Variants in MTUS2 observed in about 807,000 individuals in gnomAD.
MTUS2 encodes the protein microtubule associated scaffold protein 2.
Under a neutral mutation model 114.1 loss-of-function variants are expected in MTUS2, and 40 were observed. The observed-to-expected ratio is 0.35, with a 90% CI of 0.27 to 0.46. MTUS2 has a LOEUF of 0.46. Ranked by LOEUF, MTUS2 falls within the 20% of genes least tolerant of loss-of-function variation. The pLI, the probability that MTUS2 is intolerant of heterozygous loss-of-function variation, is 1.00. For synonymous variants in MTUS2, 688 were observed against 672.0 expected, an observed-to-expected ratio of 1.02 and a Z score of -0.37; for missense variants, 1,679 against 1,705.4, an observed-to-expected ratio of 0.98 and a Z score of 0.27.
At chr13:29,205,294 G>A (rs1195286860) in intron 5 of MTUS2, among the ~76,000 whole-genome samples, 1 of 152,160 alleles carries the variant, frequency 6.6e-6, no homozygotes, top group Non-Finnish European at 1.5e-5. Context: ...TTTTGTTTTA[G>A]CACAGGCAAT....
chr13:29,335,714 G>A (rs1457271473), intron 7 of MTUS2, among the ~76,000 whole-genome samples: 7 of 152,132 alleles, frequency 4.6e-5, no homozygotes, highest in Admixed American at 1.3e-4. Flanking sequence ...ATTATCGGGG[G>A]CGGGTTCCCC....
intron 7 of MTUS2, among the ~76,000 whole-genome samples, chr13:29,338,767 A>G (rs1399802132): frequency 2.0e-5 from 3 of 152,198 alleles, no homozygotes; most frequent in East Asian, 3.9e-4. Context: ...TAAAGACACT[A>G]TTATTTAAAA....
chr13:29,075,935 T>G (rs1024752789), intron 4 of MTUS2, among the ~76,000 whole-genome samples: 2 of 152,216 alleles, frequency 1.3e-5, no homozygotes, highest in African/African-American at 4.8e-5. Context: ...TAGCTTATCC[T>G]TCTACTCTTA....
intron 1 of MTUS2, among the ~76,000 whole-genome samples, chr13:28,824,236 A>G (rs1339426066): frequency 6.6e-6 from 1 of 152,198 alleles, no homozygotes; most frequent in Non-Finnish European, 1.5e-5. Flanking sequence ...ATCGTTTATT[A>G]AAAACTTACA....
At chr13:28,940,400 TATACA>T (rs1395355627) in intron 2 of MTUS2, among the ~76,000 whole-genome samples, 5 of 152,330 alleles carry the variant, frequency 3.3e-5, no homozygotes, top group Middle Eastern at 3.4e-3. Flanking sequence ...TTATATGGAA[TATACA>T]AAATAGGTAA....
At chr13:29,413,028 C>A (rs572940991) in intron 8 of MTUS2, among the ~76,000 whole-genome samples, 2 of 152,260 alleles carry the variant, frequency 1.3e-5, no homozygotes, top group Admixed American at 1.3e-4. Flanking sequence ...TCTTTCCTTC[C>A]CTCTTCCATA....
chr13:29,089,356 C>T (rs1323846218), intron 4 of MTUS2, among the ~76,000 whole-genome samples: 1 of 152,136 alleles, frequency 6.6e-6, no homozygotes, highest in African/African-American at 2.4e-5. Flanking sequence ...TTGTATGTGA[C>T]CTGCCCCTTA....
At chr13:29,186,137 C>A (rs938678824) in intron 5 of MTUS2, among the ~76,000 whole-genome samples, 2 of 152,184 alleles carry the variant, frequency 1.3e-5, no homozygotes, top group Non-Finnish European at 2.9e-5. Context: ...TTGCCCAAGC[C>A]AGGGAGATAA....
chr13:29,211,675 C>G (rs574223920), intron 5 of MTUS2, among the ~76,000 whole-genome samples: 297 of 152,222 alleles, frequency 2.0e-3, no homozygotes, highest in Non-Finnish European at 4.7e-4. Flanking sequence ...CTAAATTTGT[C>G]TTAGCTCCCT....
intron 2 of MTUS2, among the ~76,000 whole-genome samples, chr13:28,878,292 T>TACAC: frequency 6.6e-6 from 1 of 151,382 alleles, no homozygotes; most frequent in Middle Eastern, 3.5e-3. Context: ...TGTATGTGTG[T>TACAC]ACACACACAC....
chr13:29,139,252 T>A (rs994187370), intron 5 of MTUS2, among the ~76,000 whole-genome samples: 4 of 152,230 alleles, frequency 2.6e-5, no homozygotes, highest in African/African-American at 4.8e-5. Flanking sequence ...CTCAAGCTGA[T>A]GATTACATAT....
chr13:29,443,470 C>G (rs1455213465), intron 9 of MTUS2, among the ~76,000 whole-genome samples: 1 of 152,204 alleles, frequency 6.6e-6, no homozygotes, highest in Non-Finnish European at 1.5e-5. Flanking sequence ...TGATTTCTGC[C>G]TAAGTGCCAA....
intron 5 of MTUS2, among the ~76,000 whole-genome samples, chr13:29,263,295 AT>A (rs1811522734): frequency 6.6e-6 from 1 of 152,122 alleles, no homozygotes; most frequent in African/African-American, 2.4e-5. Flanking sequence ...CTTCCTCTTG[AT>A]CAGGGCATTA....
At chr13:28,894,343 AGAGAGAGTGAGAGT>A (rs1566203805) in intron 2 of MTUS2, among the ~76,000 whole-genome samples, 139 of 93,626 alleles carry the variant, frequency 1.5e-3, no homozygotes, top group African/African-American at 6.5e-3. Context: ...AGAGAGAGAG[AGAGAGAGTGAGAGT>A]GAGAGAGAGA....
At chr13:29,225,203 T>C (rs921945725) in intron 5 of MTUS2, among the ~76,000 whole-genome samples, 1 of 152,248 alleles carries the variant, frequency 6.6e-6, no homozygotes, top group Non-Finnish European at 1.5e-5. Flanking sequence ...AGCCCTTCCC[T>C]GTCTTTGTGT....
intron 2 of MTUS2, among the ~76,000 whole-genome samples, chr13:28,958,344 G>A (rs1023176149): frequency 2.6e-5 from 4 of 152,162 alleles, no homozygotes; most frequent in Non-Finnish European, 4.4e-5. Context: ...CTTTATTAAC[G>A]TAAAATGAAT....
chr13:28,861,152 A>G (rs572906720), intron 2 of MTUS2, among the ~76,000 whole-genome samples: 1 of 152,322 alleles, frequency 6.6e-6, no homozygotes, highest in African/African-American at 2.4e-5. Context: ...TAGAGAAATT[A>G]GCCCTCTGGA....
At chr13:29,168,412 A>G (rs890985760) in intron 5 of MTUS2, among the ~76,000 whole-genome samples, 1 of 152,218 alleles carries the variant, frequency 6.6e-6, no homozygotes, top group African/African-American at 2.4e-5. Context: ...TTTGGATTTT[A>G]CAACCTAGCA....
At position 29,120,651 on chromosome 13, in the gene MTUS2, C is replaced by A. The variant is rs554213670; in HGVS notation, c.2644+19681C>A. On this transcript the variant is annotated intron_variant, in intron 5 of 15. Coordinates refer to ENST00000612955, the MANE Select transcript of MTUS2 (RefSeq NM_001033602.4). ...AAGAATAAAAAGAAAGGGACTAATT[C>A]ACCTGTAGTTACCAGGGACCAGAGA... is the stretch of plus-strand genomic sequence containing the variant. Among the ~76,000 whole-genome samples, 107 of 152,260 alleles carry A rather than the reference C, an allele frequency of 7.0e-4. 1 individual carries two copies. In the South Asian group the frequency reaches 0.022, roughly 31 times the overall value.
Sources: gnomAD v4.1 joint callset for allele counts (sites outside exome capture counted in the v4.1 genomes callset) on GRCh38, gnomAD v4.1.1 for gene constraint, MANE v1.5 for transcripts, NCBI Gene and HGNC (gene_info 2026-07-23, HGNC 2026-07-21) for gene names.